ANKRD52: variants seen among roughly 807,000 people sequenced by gnomAD.
The protein encoded by ANKRD52 is ankyrin repeat domain 52.
ANKRD52 carries 7 observed loss-of-function variants against 116.0 expected under a neutral mutation model. That is an observed-to-expected ratio of 0.06 (90% confidence interval 0.03 to 0.11). The LOEUF (loss-of-function observed/expected upper bound fraction) is 0.11, where lower values mean the gene tolerates loss of function less well. Ranked by LOEUF, ANKRD52 falls within the 10% of genes least tolerant of loss-of-function variation. The pLI, the probability that ANKRD52 is intolerant of heterozygous loss-of-function variation, is 1.00. For missense variants in ANKRD52, 839 were observed against 1,408.6 expected (o/e 0.60, Z 6.47); for synonymous variants, 528 against 578.1 (o/e 0.91, Z 1.24).
intron 15 of ANKRD52, among the ~76,000 whole-genome samples, chr12:56,249,900 C>T (rs60913149): frequency 0.046 from 7,035 of 152,252 alleles, 230 homozygotes; most frequent in Non-Finnish European, 0.069. Flanking sequence ...ATTAGCCAGG[C>T]GTGGCAGCGT....
At chr12:56,245,702 CCTTGT>C in intron 20 of ANKRD52, 106 bp from the exon 21 acceptor site, 2 of 798,136 alleles carry the variant, frequency 2.5e-6, no homozygotes, top group Admixed American at 3.3e-5. Flanking sequence ...GGGCTCCAAT[CCTTGT>C]CTTTTTTTTT....
In ANKRD52 at chr12:56,255,391, C is replaced by T. The variant is rs1019858305; in HGVS notation, c.462+393G>A. Among the ~76,000 whole-genome samples the T allele has an allele frequency of 6.6e-6, 1 of 152,142 alleles. No individual in the cohort carries two copies. The highest frequency in any genetic ancestry group is 6.6e-5 in the Admixed American group (1 of 15,266). On this transcript the variant is annotated intron_variant, in intron 5 of 27. Coordinates refer to ENST00000267116, the MANE Select transcript of ANKRD52 (RefSeq NM_173595.4). The surrounding 1 kb of genome is among the most constrained non-coding windows in gnomAD (Gnocchi z 4.3). ...ATTTTTAGTAGAGACAGGGTTTCACCATGTTAGCCAGGATGATCTCGATCT... is the reference window on the plus strand; with the variant it reads ...ATTTTTAGTAGAGACAGGGTTTCACTATGTTAGCCAGGATGATCTCGATCT...
In ANKRD52 at chr12:56,241,732, C is replaced by T. The variant is rs1439318300; in HGVS notation, c.*1410G>A. ...GGGCTGCAGGAGTGGGTCCAACTGT[C>T]CAGGAGGCTGCACTAGGAGATGGGT... On this transcript the variant is annotated 3_prime_UTR_variant, in exon 28 of 28. Coordinates refer to ENST00000267116, the MANE Select transcript of ANKRD52 (RefSeq NM_173595.4). 5.6e-6 allele frequency: 2 copies of T among 355,430 alleles called. No homozygotes were observed. Among genetic ancestry groups the T allele is most frequent in the African/African-American group, 4.2e-5 (2 of 47,806 alleles). 22.0% of individuals were successfully genotyped at this position (355,430 alleles called of 1,614,324 possible).
At position 56,255,916 on chromosome 12, in the gene ANKRD52, T is replaced by G. The variant is rs771855895; in HGVS notation, c.330A>C (p.Pro110=). The change falls in exon 5 of 28, where the codon CCA becomes CCC. Residue 110 remains proline (P), a synonymous_variant. Coordinates refer to ENST00000267116, the MANE Select transcript of ANKRD52 (RefSeq NM_173595.4). This position sits in a 1 kb window ranked among gnomAD's most constrained non-coding sequence, Gnocchi z 4.3. ...CCCGGTTGGCAGCAGCCACATGCAGTGGTGTCTGCCACAGCTTGTCCCGGG... is the reference window on the plus strand; with the variant it reads ...CCCGGTTGGCAGCAGCCACATGCAGGGGTGTCTGCCACAGCTTGTCCCGGG... ...VNARDKLWQT[P]LHVAAANRAT... 1 of 1,573,992 alleles carries G rather than the reference T, an allele frequency of 6.4e-7. No individual in the cohort carries two copies.
chr12:56,243,408 G>A lies in ANKRD52; in HGVS notation c.2981-16C>T. The A allele has an allele frequency of 1.9e-6, 3 of 1,612,168 alleles. No homozygotes were observed. In the South Asian group the frequency reaches 3.3e-5, roughly 18 times the overall value. The stretch of plus-strand genomic sequence containing the variant: ...GGGGTGTGACCTGCAGGGCCAAGGG[G>A]GAGAACTGAGGCATAGAGTCCTGTA... On this transcript the variant is annotated splice_polypyrimidine_tract_variant and intron_variant, in intron 27 of 27. Coordinates refer to ENST00000267116, the MANE Select transcript of ANKRD52 (RefSeq NM_173595.4). This position sits in a 1 kb window ranked among gnomAD's most constrained non-coding sequence, Gnocchi z 4.6.
At chr12:56,257,234 C>T (rs1005179164) in intron 3 of ANKRD52, 49 bp downstream of exon 3, 1 of 1,554,268 alleles carries the variant, frequency 6.4e-7, no homozygotes, top group African/African-American at 1.4e-5. Context: ...AAGACTCCTC[C>T]CCTCCCTTCG....
chr12:56,258,221 G>T (rs747653975), intron 1 of ANKRD52, 22 bp downstream of exon 1: 1 of 1,598,986 alleles, frequency 6.3e-7, no homozygotes, highest in Non-Finnish European at 8.5e-7. Context: ...AGGAGGAAGC[G>T]GGAAAGGGCA....
At chr12:56,249,014 C>A in intron 15 of ANKRD52, 144 bp from the exon 16 acceptor site, 2 of 577,314 alleles carry the variant, frequency 3.5e-6, no homozygotes, top group South Asian at 2.4e-5. Flanking sequence ...TTCTCTAAAT[C>A]CTACCCATTC....
At chr12:56,245,694 G>A (rs1268811629) in intron 20 of ANKRD52, 98 bp from the exon 21 acceptor site, 1 of 989,692 alleles carries the variant, frequency 1.0e-6, no homozygotes, top group African/African-American at 1.7e-5. Context: ...CACTTCCAGG[G>A]CTCCAATCCT....
rs1295997762 is a variant in ANKRD52, at chr12:56,239,554, A to G, written c.*3588T>C. 2 of 152,296 alleles carry G rather than the reference A, an allele frequency of 1.3e-5. No homozygotes were observed. The highest frequency in any genetic ancestry group is 4.8e-5 in the African/African-American group (2 of 41,394). The allele number at this position is 152,296 out of a possible 1,614,324, so 9.4% of individuals were successfully genotyped here. ...AGTGGGTGAGAAATGGCTGAGAGGG[A>G]AGGAGGAAGGGGCCTCCCCGCTGGA... On this transcript the variant is annotated 3_prime_UTR_variant, in exon 28 of 28. Coordinates refer to ENST00000267116, the MANE Select transcript of ANKRD52 (RefSeq NM_173595.4).
At chr12:56,258,149 G>C in intron 1 of ANKRD52, 94 bp downstream of exon 1, 1 of 1,539,624 alleles carries the variant, frequency 6.5e-7, no homozygotes. Flanking sequence ...GGAGCCCCGG[G>C]CTCAGGCCCA....
chr12:56,258,001 G>T (rs1045266764), intron 1 of ANKRD52, 90 bp from the exon 2 acceptor site: 42 of 1,352,916 alleles, frequency 3.1e-5, no homozygotes, highest in Non-Finnish European at 3.9e-5. Context: ...AGGTTTGAGT[G>T]GGGGGCGTCC....
intron 2 of ANKRD52, among the ~76,000 whole-genome samples, 165 bp from the exon 3 acceptor site, chr12:56,257,526 G>A (rs1872015362): frequency 6.6e-6 from 1 of 152,148 alleles, no homozygotes; most frequent in Non-Finnish European, 1.5e-5. Context: ...CACCTAGGGA[G>A]GGTGGAGTCA....
rs1304826260 is a variant in ANKRD52 at position 56,254,152 on chromosome 12, G to A, written c.821C>T (p.Thr274Met). 8.1e-6 allele frequency: 13 copies of A among 1,613,750 alleles called. No homozygotes were observed. Among genetic ancestry groups the A allele is most frequent in the South Asian group, 1.1e-5 (1 of 91,088 alleles). ...NVNQPNDKGF[T>M]PLHVAAVSTN... ...GGAGACTGCAGCCACATGCAGTGGC[G>A]TGAAGCCCTTGTCATTCGGCTGGTT... Residue 274 changes from threonine to methionine, a missense_variant, in exon 8 of 28, where the codon ACG (threonine) becomes ATG (methionine). By Grantham distance (81) the Thr-to-Met change is moderately conservative. Around this residue, in one of 2 missense-constraint regions of ANKRD52, gnomAD observed 287 missense variants for 598.1 expected, o/e 0.48. Transcript: ENST00000267116. This position sits in a 1 kb window ranked among gnomAD's most constrained non-coding sequence, Gnocchi z 4.6.
At chr12:56,245,713 T>C in intron 20 of ANKRD52, 117 bp from the exon 21 acceptor site, 2 of 730,876 alleles carry the variant, frequency 2.7e-6, no homozygotes, top group East Asian at 3.5e-5. Flanking sequence ...CTTGTCTTTT[T>C]TTTTTTTTTT....
chr12:56,252,061 C>T lies in ANKRD52; in HGVS notation c.1546G>A (p.Glu516Lys), dbSNP rs764437689. Residue 516 changes from glutamate (E) to lysine (K), a missense_variant, in exon 15 of 28, where the codon GAA becomes AAA. This residue lies in a region of ANKRD52 where 552 missense variants were observed against 810.6 expected (regional missense o/e 0.68). Transcript: ENST00000267116. The surrounding 1 kb of genome is among the most constrained non-coding windows in gnomAD (Gnocchi z 4.7). ...GACTCCTTCAGTGGCTCGTCCTCTTCGGCATCATGGCTGGAAGGTGTATGG... is the reference window on the plus strand; with the variant it reads ...GACTCCTTCAGTGGCTCGTCCTCTTTGGCATCATGGCTGGAAGGTGTATGG... ...EPHTPSSHDA[E>K]EDEPLKESRR... The T allele has an allele frequency of 5.0e-6, 8 of 1,613,744 alleles. No homozygotes were observed. Among genetic ancestry groups the T allele is most frequent in the East Asian group, 2.2e-5 (1 of 44,902 alleles).
At position 56,242,885 on chromosome 12, in the gene ANKRD52, C is replaced by G. The variant is rs1871224274; in HGVS notation, c.*257G>C. 1.5e-5 allele frequency: 7 copies of G among 471,460 alleles called. No homozygotes were observed. In the South Asian group the frequency reaches 2.5e-4, roughly 17 times the overall value. The allele number at this position is 471,460 out of a possible 1,614,324, so 29.2% of individuals were successfully genotyped here. ...AAGAGTGGGGGAGCCAGGCATTTAGCAATCATTTTGGGACACTTGGCAGAA... is the reference window on the plus strand; with the variant it reads ...AAGAGTGGGGGAGCCAGGCATTTAGGAATCATTTTGGGACACTTGGCAGAA... On this transcript the variant is annotated 3_prime_UTR_variant, in exon 28 of 28. Transcript: ENST00000267116. The surrounding 1 kb of genome is among the most constrained non-coding windows in gnomAD (Gnocchi z 4.3).
chr12:56,257,182 C>T (rs1252740777), intron 3 of ANKRD52, 97 bp from the exon 4 acceptor site: 16 of 1,550,100 alleles, frequency 1.0e-5, no homozygotes, highest in African/African-American at 1.4e-5. Flanking sequence ...GCTGGAGCCT[C>T]GCCTGGACCA....
At chr12:56,256,631 T>A (rs1565613122) in intron 4 of ANKRD52, among the ~76,000 whole-genome samples, 1 of 152,162 alleles carries the variant, frequency 6.6e-6, no homozygotes, top group African/African-American at 2.4e-5. Context: ...CCCTGTGCTG[T>A]CAACTTTCAA....
Sources: gnomAD v4.1 joint callset for allele counts (sites outside exome capture counted in the v4.1 genomes callset) on GRCh38, gnomAD v4.1.1 for gene constraint, gnomAD v4.1.1 regional missense constraint, Gnocchi (gnomAD v3.1) non-coding constraint, MANE v1.5 for transcripts, NCBI Gene and HGNC (gene_info 2026-07-23, HGNC 2026-07-21) for gene names.